The following TMC7 variants were observed in gnomAD, a reference collection of about 807,000 sequenced individuals.
The protein encoded by TMC7 is transmembrane channel-like protein 7.
In TMC7, 54 loss-of-function variants were observed where a neutral mutation model predicts 82.9. The observed-to-expected ratio is 0.65, with a 90% CI of 0.52 to 0.82. The LOEUF is 0.82. Ranked by LOEUF, TMC7 falls within the 40% of genes least tolerant of loss-of-function variation. The pLI is 0.00. For synonymous variants in TMC7, 350 were observed against 337.9 expected (o/e 1.04, Z -0.39); for missense variants, 820 against 901.2 (o/e 0.91, Z 1.15).
intron 8 of TMC7, among the ~76,000 whole-genome samples, chr16:19,038,651 G>T (rs1047652730): frequency 1.3e-5 from 2 of 151,978 alleles, no homozygotes; most frequent in African/African-American, 4.8e-5. Flanking sequence ...CTAGTAGCTG[G>T]CATTACAGGG....
At chr16:19,052,428 C>G (rs1961581105) in intron 13 of TMC7, among the ~76,000 whole-genome samples, 1 of 152,170 alleles carries the variant, frequency 6.6e-6, no homozygotes, top group Non-Finnish European at 1.5e-5. Flanking sequence ...AACTCCTGAG[C>G]TCAATGATCC....
At chr16:19,057,947 AT>A (rs35330440) in intron 14 of TMC7, among the ~76,000 whole-genome samples, 2,319 of 146,170 alleles carry the variant, frequency 0.016, 59 homozygotes, top group African/African-American at 0.052. Context: ...CCAGCAGTTG[AT>A]TTTTTTTTTT....
At chr16:19,043,803 C>T (rs1209047501) in intron 9 of TMC7, among the ~76,000 whole-genome samples, 1 of 152,024 alleles carries the variant, frequency 6.6e-6, no homozygotes, top group Non-Finnish European at 1.5e-5. Context: ...AACTTCTGAC[C>T]TCAGATGATC....
Position 19,009,324 on chromosome 16 carries a change from A to G in TMC7, c.220A>G (p.Ser74Gly), listed in dbSNP as rs1462622503. 5.6e-6 allele frequency: 9 copies of G among 1,614,086 alleles called. No individual in the cohort carries two copies. The Admixed American group carries it at 8.3e-5, about 15-fold the overall frequency. The change falls in exon 2 of 16, where the codon AGC (serine) becomes GGC (glycine). Residue 74 changes from serine (S) to glycine (G), a missense_variant. Around this residue, in one of 2 missense-constraint regions of TMC7, gnomAD observed 650 missense variants for 669.9 expected, o/e 0.97. Transcript: ENST00000304381. Reference sequence around the variant, plus strand: ...TTTGCTAAAGCCAACCGACTCTTACAGCTCCCAGCTGGAGGACAGAATCGC... The same window carrying G: ...TTTGCTAAAGCCAACCGACTCTTACGGCTCCCAGCTGGAGGACAGAATCGC... ...GTLLKPTDSY[S>G]SQLEDRIAEN...
intron 5 of TMC7, among the ~76,000 whole-genome samples, chr16:19,023,834 A>G (rs773658072): frequency 1.3e-5 from 2 of 152,196 alleles, no homozygotes; most frequent in Non-Finnish European, 2.9e-5. Flanking sequence ...CCCAGATAGA[A>G]TGTTTACAAT....
At chr16:19,028,971 A>T (rs912602618) in intron 5 of TMC7, among the ~76,000 whole-genome samples, 27 of 72,750 alleles carry the variant, frequency 3.7e-4, no homozygotes, top group Admixed American at 6.8e-4. Context: ...GCACTTTTTA[A>T]AAAAAAATTT....
At chr16:18,991,247 T>C (rs2038945885) in intron 1 of TMC7, among the ~76,000 whole-genome samples, 5 of 152,084 alleles carry the variant, frequency 3.3e-5, no homozygotes, top group Admixed American at 3.3e-4. Flanking sequence ...TTTGTATGAA[T>C]TGAGAAACTA....
chr16:19,001,276 G>A (rs774796864), intron 1 of TMC7, among the ~76,000 whole-genome samples: 4 of 152,114 alleles, frequency 2.6e-5, no homozygotes, highest in Admixed American at 6.6e-5. Flanking sequence ...CATCTGTCCT[G>A]TACCAGGCTC....
At chr16:19,011,534 T>TA (rs1959343371) in intron 2 of TMC7, among the ~76,000 whole-genome samples, 2 of 149,374 alleles carry the variant, frequency 1.3e-5, no homozygotes, top group Admixed American at 1.3e-4. Context: ...AATAAATAAA[T>TA]AAATAAATAA....
intron 5 of TMC7, among the ~76,000 whole-genome samples, chr16:19,024,058 C>T (rs557667808): frequency 1.3e-5 from 2 of 152,318 alleles, no homozygotes; most frequent in Admixed American, 6.5e-5. Context: ...ACATCCCCCA[C>T]CACCACCCCA....
At position 19,021,759 on chromosome 16, in the gene TMC7, C is replaced by T. The variant is rs1383442031; in HGVS notation, c.591C>T (p.Thr197=). ...LPVLLTKYKI[T]NSSFVLIPFK... ...TCTTACTCACGAAATACAAGATCAC[C>T]AACAGCAGCTTCGTGCTCATTCCTT... is the stretch of plus-strand genomic sequence containing the variant. Residue 197 remains threonine, a synonymous_variant, in exon 4 of 16, where the codon ACC becomes ACT. Transcript: ENST00000304381. 6.2e-7 allele frequency: 1 copy of T among 1,614,076 alleles called. No individual in the cohort carries two copies. The highest frequency in any genetic ancestry group is 1.1e-5 in the South Asian group (1 of 91,076).
Position 19,051,827 on chromosome 16 carries a change from CT to C in TMC7, c.1871+14del. The C allele has an allele frequency of 6.2e-7, 1 of 1,613,548 alleles. No homozygotes were observed. Among genetic ancestry groups the C allele is most frequent in the Non-Finnish European group, 8.5e-7 (1 of 1,179,686 alleles). On this transcript the variant is annotated intron_variant, in intron 13 of 15. Transcript: ENST00000304381. ...AATCAGCATATCACGGTAAATGTGA[CT>C]TTGTTTTCTAGAACATTTCATTGCT...
intron 15 of TMC7, 47 bp downstream of exon 15, chr16:19,059,541 A>T: frequency 6.2e-7 from 1 of 1,614,128 alleles, no homozygotes; most frequent in East Asian, 2.2e-5. Flanking sequence ...ACATTTACCC[A>T]GGACACTGCA....
chr16:18,984,286 C>T, intron 1 of TMC7, 156 bp downstream of exon 1: 1 of 1,336,038 alleles, frequency 7.5e-7, no homozygotes, highest in Non-Finnish European at 9.5e-7. Flanking sequence ...GGAAGGAGAT[C>T]TTCCTTATTC....
chr16:19,058,221 G>A (rs1040331973), intron 14 of TMC7, among the ~76,000 whole-genome samples: 6 of 152,110 alleles, frequency 3.9e-5, no homozygotes, highest in East Asian at 3.9e-4. Context: ...GTGAAACACC[G>A]TCTCTACTAA....
chr16:19,059,805 C>T (rs923784000), intron 15 of TMC7: 72 of 792,150 alleles, frequency 9.1e-5, no homozygotes, highest in African/African-American at 8.4e-4. Flanking sequence ...GGTGAAACCC[C>T]GTCTCTACTA....
At chr16:19,011,376 T>C (rs1040384621) in intron 2 of TMC7, among the ~76,000 whole-genome samples, 7 of 152,120 alleles carry the variant, frequency 4.6e-5, no homozygotes, top group Non-Finnish European at 7.4e-5. Context: ...GTAGCATAAA[T>C]GCATTAGAAA....
intron 5 of TMC7, among the ~76,000 whole-genome samples, chr16:19,029,197 G>A (rs975861991): frequency 6.6e-6 from 1 of 151,118 alleles, no homozygotes; most frequent in African/African-American, 2.4e-5. Context: ...AGTAGAGACG[G>A]GGTTTCACTG....
intron 2 of TMC7, among the ~76,000 whole-genome samples, chr16:19,010,918 T>C (rs1487156993): frequency 6.6e-6 from 1 of 152,074 alleles, no homozygotes; most frequent in Non-Finnish European, 1.5e-5. Context: ...CTGCAGAACC[T>C]CTTGGGACTA....
Sources: gnomAD v4.1 joint callset for allele counts (sites outside exome capture counted in the v4.1 genomes callset) on GRCh38, gnomAD v4.1.1 for gene constraint, gnomAD v4.1.1 regional missense constraint, MANE v1.5 for transcripts, NCBI Gene and HGNC (gene_info 2026-07-23, HGNC 2026-07-21) for gene names.